Variants in SHC3 observed in about 807,000 individuals in gnomAD.
SHC3 encodes SHC adaptor protein 3, also known as SHC-transforming protein 3.
SHC3 carries 15 observed loss-of-function variants against 60.4 expected under a neutral mutation model. The observed-to-expected ratio is 0.25, with a 90% confidence interval of 0.17 to 0.38. The LOEUF (loss-of-function observed/expected upper bound fraction) is 0.38, where lower values mean the gene tolerates loss of function less well. Among genes scored for constraint, SHC3 ranks in the 10% least tolerant of loss-of-function variants. The pLI, the probability that SHC3 is intolerant of heterozygous loss-of-function variation, is 1.00. For synonymous variants in SHC3, 294 were observed against 325.9 expected, an observed-to-expected ratio of 0.90 and a Z score of 1.05; for missense variants, 677 against 786.1, an observed-to-expected ratio of 0.86 and a Z score of 1.66.
At chr9:89,166,761 A>C (rs1826795553) in intron 1 of SHC3, among the ~76,000 whole-genome samples, 1 of 152,186 alleles carries the variant, frequency 6.6e-6, no homozygotes, top group Non-Finnish European at 1.5e-5. Flanking sequence ...GAGGGCTTCA[A>C]GTGGAGGCAG....
chr9:89,071,018 C>G (rs1165479717), intron 5 of SHC3, among the ~76,000 whole-genome samples, 181 bp downstream of exon 5: 2 of 152,150 alleles, frequency 1.3e-5, no homozygotes. Context: ...GTCCTTGTCA[C>G]AGCTTACCCC....
intron 5 of SHC3, among the ~76,000 whole-genome samples, 158 bp downstream of exon 5, chr9:89,071,041 G>A (rs552497459): frequency 1.3e-5 from 2 of 152,206 alleles, no homozygotes; most frequent in East Asian, 3.9e-4. Context: ...AAAATAAAAC[G>A]ATGGCCAAGA....
At chr9:89,045,723 A>G in intron 9 of SHC3, 23 bp downstream of exon 9, 7 of 1,610,824 alleles carry the variant, frequency 4.3e-6, no homozygotes, top group Non-Finnish European at 5.9e-6. Flanking sequence ...TGTGTTTCTC[A>G]CCCATCTCAC....
In SHC3 at chr9:89,109,969, T is replaced by C. The variant is rs1587732553; in HGVS notation, c.545+2587A>G. 5 of 985,458 alleles carry C rather than the reference T, an allele frequency of 5.1e-6. No homozygotes were observed. In the Middle Eastern group the frequency reaches 1.6e-3, roughly 309 times the overall value. 61.0% of individuals were successfully genotyped at this position (985,458 alleles called of 1,614,324 possible). A position where few individuals can be genotyped will look rare whatever the true frequency, so the allele number is the denominator to read the frequency against. ...TTCCTTCATTTATACCTATGCCTCA[T>C]TGTTTTATTAAGGTAAGCAAGCAAC... On this transcript the variant is annotated intron_variant, in intron 2 of 11. Transcript: ENST00000375835.
At chr9:89,035,430 G>T (rs1354825930) in intron 11 of SHC3, among the ~76,000 whole-genome samples, 2 of 152,074 alleles carry the variant, frequency 1.3e-5, no homozygotes, top group African/African-American at 4.8e-5. Flanking sequence ...CAAGAGGAAG[G>T]ACTCACACCA....
chr9:89,095,464 T>C (rs1198450271), intron 2 of SHC3, among the ~76,000 whole-genome samples: 1 of 151,390 alleles, frequency 6.6e-6, no homozygotes, highest in Admixed American at 6.6e-5. Flanking sequence ...GAGGGGGAAG[T>C]GGGGAGTTGT....
At chr9:89,069,752 C>T (rs1825239925) in intron 5 of SHC3, among the ~76,000 whole-genome samples, 2 of 152,258 alleles carry the variant, frequency 1.3e-5, no homozygotes. Context: ...TGATGCCTGC[C>T]TCTGGCAGCT....
intron 6 of SHC3, among the ~76,000 whole-genome samples, chr9:89,052,683 G>GTGAT (rs1824880608): frequency 6.6e-6 from 1 of 152,142 alleles, no homozygotes; most frequent in South Asian, 2.1e-4. Flanking sequence ...ACCATATGTG[G>GTGAT]CCACTCAAAA....
chr9:89,093,818 C>T (rs571025395), intron 2 of SHC3, among the ~76,000 whole-genome samples: 13 of 152,148 alleles, frequency 8.5e-5, no homozygotes, highest in African/African-American at 3.1e-4. Context: ...AAGATTTGTG[C>T]ACTGGTCGGG....
intron 7 of SHC3, 56 bp downstream of exon 7, chr9:89,051,981 G>T: frequency 6.2e-7 from 1 of 1,600,386 alleles, no homozygotes; most frequent in Non-Finnish European, 8.5e-7. Context: ...GGTTTTAAGA[G>T]GAAAGGTCAT....
At chr9:89,100,466 C>T (rs557636938) in intron 2 of SHC3, among the ~76,000 whole-genome samples, 3 of 152,162 alleles carry the variant, frequency 2.0e-5, no homozygotes, top group East Asian at 1.9e-4. Context: ...CTCAAACTCC[C>T]GGCCTCAAGT....
intron 1 of SHC3, among the ~76,000 whole-genome samples, chr9:89,134,102 A>T (rs182998954): frequency 5.7e-4 from 87 of 152,216 alleles, no homozygotes; most frequent in Non-Finnish European, 8.4e-4. Flanking sequence ...CAAAAGTAAA[A>T]GTTGCTAAAA....
At chr9:89,100,573 A>C (rs963711325) in intron 2 of SHC3, among the ~76,000 whole-genome samples, 2 of 152,180 alleles carry the variant, frequency 1.3e-5, no homozygotes, top group Non-Finnish European at 2.9e-5. Flanking sequence ...ACTATCATCA[A>C]ATCAAGAGAT....
At chr9:89,059,190 G>A (rs1424533363) in intron 6 of SHC3, among the ~76,000 whole-genome samples, 3 of 144,612 alleles carry the variant, frequency 2.1e-5, no homozygotes, top group African/African-American at 5.1e-5. Context: ...ACATGGTGGA[G>A]GACAGTGGTG....
intron 11 of SHC3, among the ~76,000 whole-genome samples, chr9:89,018,938 A>G (rs1826150340): frequency 1.3e-5 from 2 of 151,844 alleles, no homozygotes; most frequent in Non-Finnish European, 2.9e-5. Flanking sequence ...GGGTACCTGT[A>G]ATCCCAGCTA....
At position 89,011,364 on chromosome 9, in the gene SHC3, G is replaced by T. The variant is rs1390975849; in HGVS notation, c.*2083C>A. The T allele has an allele frequency of 6.6e-6, 1 of 152,212 alleles. No homozygotes were observed. Among genetic ancestry groups the T allele is most frequent in the Non-Finnish European group, 1.5e-5 (1 of 68,032 alleles). The allele number at this position is 152,212 out of a possible 1,614,324, so 9.4% of individuals were successfully genotyped here. ...TTACAGCATTCACAGCTCCTAACTT[G>T]CATTTCCTACTTTGCTATTGTCCCT... On this transcript the variant is annotated 3_prime_UTR_variant, in exon 12 of 12. Coordinates refer to ENST00000375835, the MANE Select transcript of SHC3 (RefSeq NM_016848.6).
intron 11 of SHC3, among the ~76,000 whole-genome samples, chr9:89,015,589 A>C (rs1447746855): frequency 6.6e-6 from 1 of 152,250 alleles, no homozygotes; most frequent in African/African-American, 2.4e-5. Context: ...GGAAATAGAG[A>C]GGCTAGTTCA....
intron 9 of SHC3, among the ~76,000 whole-genome samples, chr9:89,043,268 C>T (rs945151059): frequency 2.6e-5 from 4 of 152,196 alleles, no homozygotes; most frequent in East Asian, 1.9e-4. Flanking sequence ...AACATTCCCT[C>T]GCTGGGGAGC....
intron 1 of SHC3, among the ~76,000 whole-genome samples, chr9:89,161,752 C>T (rs1826710165): frequency 6.7e-6 from 1 of 149,992 alleles, no homozygotes; most frequent in Non-Finnish European, 1.5e-5. Context: ...GGCAATTAGG[C>T]AGGAGAAGGA....
Sources: gnomAD v4.1 joint callset for allele counts (sites outside exome capture counted in the v4.1 genomes callset) on GRCh38, gnomAD v4.1.1 for gene constraint, MANE v1.5 for transcripts, NCBI Gene and HGNC (gene_info 2026-07-23, HGNC 2026-07-21) for gene names.